The following MYPN variants were observed in gnomAD, a reference collection of about 807,000 sequenced individuals.
The protein encoded by MYPN is sarcomeric protein myopalladin, 145 kDa (MYOP).
MYPN carries 63 observed loss-of-function variants against 129.4 expected under a neutral mutation model. The ratio of observed to expected loss-of-function variants is 0.49; its 90% confidence interval spans 0.40 to 0.60. The LOEUF is 0.60. MYPN is among the 20% of genes least tolerant of loss of function. MYPN has a pLI of 0.00. For synonymous variants in MYPN, 629 were observed against 600.9 expected (o/e 1.05, Z -0.68); for missense variants, 1,596 against 1,635.4 (o/e 0.98, Z 0.42).
At chr10:68,125,281 AT>A (rs1227980320) in intron 2 of MYPN, among the ~76,000 whole-genome samples, 1 of 152,154 alleles carries the variant, frequency 6.6e-6, no homozygotes, top group Non-Finnish European at 1.5e-5. Context: ...AGCAATGCTA[AT>A]TTTTCCTGGG....
At chr10:68,182,754 T>A (rs1589597409) in intron 12 of MYPN, among the ~76,000 whole-genome samples, 1 of 152,056 alleles carries the variant, frequency 6.6e-6, no homozygotes, top group Admixed American at 6.6e-5. Flanking sequence ...GTGATCCACC[T>A]GCCTCAGCCA....
intron 6 of MYPN, among the ~76,000 whole-genome samples, chr10:68,154,344 C>A (rs1382320771): frequency 6.6e-6 from 1 of 152,208 alleles, no homozygotes; most frequent in Non-Finnish European, 1.5e-5. Context: ...GCCCTGGCCC[C>A]AGCTGCTTCA....
At chr10:68,128,601 C>T (rs1163349812) in intron 2 of MYPN, among the ~76,000 whole-genome samples, 1 of 152,132 alleles carries the variant, frequency 6.6e-6, no homozygotes, top group Non-Finnish European at 1.5e-5. Context: ...AAATTCCCTG[C>T]CTTCATGCAG....
intron 3 of MYPN, among the ~76,000 whole-genome samples, chr10:68,143,962 C>T (rs930701865): frequency 1.3e-4 from 20 of 152,098 alleles, no homozygotes; most frequent in Admixed American, 2.0e-4. Context: ...ACCATGTTGG[C>T]CAGGCTGTTC....
chr10:68,120,381 C>G (rs2042224681), intron 1 of MYPN, among the ~76,000 whole-genome samples: 1 of 152,032 alleles, frequency 6.6e-6, no homozygotes, highest in Non-Finnish European at 1.5e-5. Flanking sequence ...AATTAAAATT[C>G]AAAAGTTAGG....
intron 12 of MYPN, among the ~76,000 whole-genome samples, chr10:68,185,490 G>A (rs1276803744): frequency 6.6e-6 from 1 of 151,974 alleles, no homozygotes; most frequent in Non-Finnish European, 1.5e-5. Context: ...GGCTCAGTCA[G>A]CACCTCTAGG....
At chr10:68,098,285 A>G (rs1013730184) in intron 1 of MYPN, among the ~76,000 whole-genome samples, 2 of 152,190 alleles carry the variant, frequency 1.3e-5, no homozygotes, top group Admixed American at 1.3e-4. Flanking sequence ...TTTTATGCTT[A>G]TCTATTTTTT....
At chr10:68,144,721 G>A (rs1015385684) in intron 3 of MYPN, among the ~76,000 whole-genome samples, 1 of 151,994 alleles carries the variant, frequency 6.6e-6, no homozygotes, top group African/African-American at 2.4e-5. Flanking sequence ...TATTAGGACT[G>A]GACGGAAGAG....
rs906160665 is a variant in MYPN, at chr10:68,161,379, C to G, written c.1460-350C>G. ...GGCATGGTGGCACATGCCTATAATTCCAGCTACCTGGGAGGCTGAAGCAGG... is the reference window on the plus strand; with the variant it reads ...GGCATGGTGGCACATGCCTATAATTGCAGCTACCTGGGAGGCTGAAGCAGG... On this transcript the variant is annotated intron_variant, in intron 7 of 19. Transcript: ENST00000358913. 4.0e-4 allele frequency among the ~76,000 whole-genome samples: 61 copies of G among 152,074 alleles called. 1 individual carries two copies. Among genetic ancestry groups the G allele is most frequent in the Non-Finnish European group, 8.4e-4 (57 of 68,014 alleles).
Position 68,166,519 on chromosome 10 carries a change from G to A in MYPN, c.1826G>A (p.Ser609Asn), listed in dbSNP as rs747946013. ...HFNLPEDDKG[S>N]EASSEAGVVT... ...AACCTGCCTGAAGATGACAAAGGAAGTGAAGCATCCTCCGAGGCTGGTGTG... is the reference window on the plus strand; with the variant it reads ...AACCTGCCTGAAGATGACAAAGGAAATGAAGCATCCTCCGAGGCTGGTGTG... The change falls in exon 10 of 20, where the codon AGT becomes AAT. Residue 609 changes from serine (S) to asparagine (N), a missense_variant. Coordinates refer to ENST00000358913, the MANE Select transcript of MYPN (RefSeq NM_032578.4). 6.2e-7 allele frequency: 1 copy of A among 1,614,198 alleles called. No homozygotes were observed. Among genetic ancestry groups the A allele is most frequent in the Non-Finnish European group, 8.5e-7 (1 of 1,180,036 alleles).
intron 19 of MYPN, among the ~76,000 whole-genome samples, chr10:68,207,126 C>A (rs1468831461): frequency 6.6e-6 from 1 of 152,048 alleles, no homozygotes; most frequent in East Asian, 1.9e-4. Flanking sequence ...GGCATGGTGG[C>A]ACACACCTGT....
intron 2 of MYPN, among the ~76,000 whole-genome samples, chr10:68,131,064 A>G (rs1184401409): frequency 6.6e-6 from 1 of 152,106 alleles, no homozygotes; most frequent in East Asian, 1.9e-4. Flanking sequence ...TTTTGCCCTT[A>G]TAATATAAAT....
chr10:68,138,083 ATGGAATTT>A (rs2042514808), intron 2 of MYPN, among the ~76,000 whole-genome samples: 2 of 151,458 alleles, frequency 1.3e-5, no homozygotes, highest in South Asian at 4.2e-4. Context: ...TTTTGGTGAA[ATGGAATTT>A]TTCTTTTTCT....
intron 18 of MYPN, among the ~76,000 whole-genome samples, chr10:68,203,852 T>A (rs2043765010): frequency 6.6e-6 from 1 of 152,172 alleles, no homozygotes; most frequent in South Asian, 2.1e-4. Context: ...TGCCTGTATA[T>A]CACTGTGATT....
chr10:68,135,392 G>A (rs527382229), intron 2 of MYPN: 201 of 731,564 alleles, frequency 2.7e-4, no homozygotes, highest in African/African-American at 2.2e-3. Context: ...TACAAATTGT[G>A]TCACAAAATT....
At chr10:68,101,796 G>A (rs2041983114), upstream of MYPN, among the ~76,000 whole-genome samples, 1 of 151,446 alleles carries the variant, frequency 6.6e-6, no homozygotes, top group Non-Finnish European at 1.5e-5. Context: ...CTTCCTTTTT[G>A]TTTCTGTTCC....
At chr10:68,194,292 C>T (rs2043566046) in intron 13 of MYPN, 71 bp from the exon 14 acceptor site, 2 of 1,561,632 alleles carry the variant, frequency 1.3e-6, no homozygotes. Context: ...CCTTTCCTCA[C>T]CCCAGACCCT....
intron 13 of MYPN, among the ~76,000 whole-genome samples, chr10:68,193,636 T>A (rs1477904421): frequency 6.6e-6 from 1 of 152,172 alleles, no homozygotes; most frequent in South Asian, 2.1e-4. Flanking sequence ...ATCTCTCTGC[T>A]CTACTTTCAT....
At chr10:68,121,017 C>T (rs1043898241) in intron 1 of MYPN, among the ~76,000 whole-genome samples, 2 of 152,006 alleles carry the variant, frequency 1.3e-5, no homozygotes, top group Non-Finnish European at 1.5e-5. Context: ...AGTGGCTCAC[C>T]CCTATAATCC....
Sources: gnomAD v4.1 joint callset for allele counts (sites outside exome capture counted in the v4.1 genomes callset) on GRCh38, gnomAD v4.1.1 for gene constraint, MANE v1.5 for transcripts, NCBI Gene and HGNC (gene_info 2026-07-23, HGNC 2026-07-21) for gene names.